AP5Z1: variants seen among roughly 807,000 people sequenced by gnomAD.
AP5Z1 encodes the protein adaptor related protein complex 5 subunit zeta 1, also known as AP-5 complex subunit zeta-1.
A neutral mutation model predicts 83.0 loss-of-function variants in AP5Z1; 106 were observed. That is an observed-to-expected ratio of 1.28 (90% CI 1.09 to 1.50). The LOEUF (loss-of-function observed/expected upper bound fraction) is 1.50, where lower values mean the gene tolerates loss of function less well. AP5Z1 is among the 40% of genes most tolerant of loss of function. AP5Z1 has a pLI of 0.00. For synonymous variants in AP5Z1, 751 were observed against 514.1 expected (o/e 1.46, Z -6.23); for missense variants, 1,565 against 1,094.2 (o/e 1.43, Z -6.07).
rs762453142 is a variant in AP5Z1 at position 4,787,782 on chromosome 7, C to T, written c.1454+6C>T. On this transcript the variant is annotated splice_donor_region_variant and intron_variant, in intron 11 of 16. Transcript: ENST00000649063. ...GTGCTGGACCTGCAGCTCAGGTGGGCCCCTCACCCTCTGCCAGCGCTGCGT... is the reference window on the plus strand; with the variant it reads ...GTGCTGGACCTGCAGCTCAGGTGGGTCCCTCACCCTCTGCCAGCGCTGCGT... 4.0e-5 allele frequency: 61 copies of T among 1,526,350 alleles called. No homozygotes were observed. The East Asian group carries it at 1.2e-3, about 31-fold the overall frequency. The allele number at this position is 1,526,350 out of a possible 1,614,324, so 94.6% of individuals were successfully genotyped here. A position where few individuals can be genotyped will look rare whatever the true frequency, so the allele number is the denominator to read the frequency against.
At chr7:4,790,626 G>A (rs774034279) in intron 15 of AP5Z1, 35 bp downstream of exon 15, 2 of 1,612,278 alleles carry the variant, frequency 1.2e-6, no homozygotes, top group Non-Finnish European at 1.7e-6. Context: ...AGCCGCTCCT[G>A]ACCCAGGAGG....
intron 1 of AP5Z1, among the ~76,000 whole-genome samples, chr7:4,777,827 G>C (rs1781267958): frequency 6.6e-6 from 1 of 152,184 alleles, no homozygotes; most frequent in South Asian, 2.1e-4. Flanking sequence ...GTTTCAAGAA[G>C]GTTAATCTAT....
rs902504616 is a variant in AP5Z1, at chr7:4,785,179, C to A, written c.931+131C>A. On this transcript the variant is annotated intron_variant, in intron 7 of 16. Transcript: ENST00000649063. ...GGGTCCCTGGGTAGCCGGTTTGGAG[C>A]AGGGGCATTTTTGCTTCTGGGGTCA... The A allele has an allele frequency of 3.5e-6, 5 of 1,423,788 alleles. No individual in the cohort carries two copies. In the African/African-American group the frequency reaches 5.8e-5, roughly 16 times the overall value. 88.2% of individuals were successfully genotyped at this position (1,423,788 alleles called of 1,614,324 possible).
chr7:4,788,006 G>C, intron 11 of AP5Z1, 148 bp from the exon 12 acceptor site: 2 of 1,318,196 alleles, frequency 1.5e-6, no homozygotes, highest in Non-Finnish European at 2.0e-6. Context: ...CCGTCTTCAC[G>C]CCCAGGCCTG....
chr7:4,775,712 C>A lies in AP5Z1; in HGVS notation c.-4C>A. 2.5e-6 allele frequency: 4 copies of A among 1,607,002 alleles called. No homozygotes were observed. The highest frequency in any genetic ancestry group is 3.4e-6 in the Non-Finnish European group (4 of 1,179,720). ...GTTCGTGCGCGTCTGGTGGCGGCGG[C>A]GTGATGTTCTCGGCAGGAGCGGAGA... On this transcript the variant is annotated 5_prime_UTR_variant, in exon 1 of 17. Transcript: ENST00000649063.
chr7:4,781,787 G>T (rs770673214), intron 3 of AP5Z1, 33 bp downstream of exon 3: 4 of 1,504,442 alleles, frequency 2.7e-6, no homozygotes, highest in East Asian at 2.3e-5. Flanking sequence ...AGTTGGCACC[G>T]GATGGCTGCT....
chr7:4,780,463 G>A (rs1483909829), intron 1 of AP5Z1, among the ~76,000 whole-genome samples: 3 of 147,264 alleles, frequency 2.0e-5, no homozygotes, highest in Admixed American at 6.7e-5. Context: ...TACTAAAAAT[G>A]CAAAAATTAG....
Position 4,783,713 on chromosome 7 carries a change from G to A in AP5Z1, c.536G>A (p.Arg179Gln), listed in dbSNP as rs569233326. 171 of 1,550,538 alleles carry A rather than the reference G, an allele frequency of 1.1e-4. No homozygotes were observed. The highest frequency in any genetic ancestry group is 1.9e-4 in the South Asian group (16 of 84,068). ...GACCAGGCCACCCTGCTCAGCAAGC[G>A]GCTGGTCGACTGGCTGCGCTACGCC... ...QEDQATLLSKRLVDWLRYASL... is the reference protein window; with the variant it reads ...QEDQATLLSKQLVDWLRYASL... Residue 179 changes from arginine to glutamine, a missense_variant, in exon 5 of 17, where the codon CGG becomes CAG. Physicochemically the swap from Arg to Gln is conservative, Grantham distance 43. Transcript: ENST00000649063.
chr7:4,777,805 C>T (rs1340440861), intron 1 of AP5Z1, among the ~76,000 whole-genome samples: 1 of 152,146 alleles, frequency 6.6e-6, no homozygotes, highest in Non-Finnish European at 1.5e-5. Flanking sequence ...TCTGCAGTTG[C>T]CCTCTGTTAG....
chr7:4,788,284 G>C lies in AP5Z1; in HGVS notation c.1585G>C (p.Ala529Pro). 6.3e-7 allele frequency: 1 copy of C among 1,590,534 alleles called. No individual in the cohort carries two copies. Among genetic ancestry groups the C allele is most frequent in the Non-Finnish European group, 8.5e-7 (1 of 1,169,982 alleles). ...QYLLRPKASG[A>P]TERLAPLHQL... ...CCTGCTGCGCCCCAAGGCCAGTGGCGCCACTGAGAGGTACGGGGCCCTAGG... is the reference window on the plus strand; with the variant it reads ...CCTGCTGCGCCCCAAGGCCAGTGGCCCCACTGAGAGGTACGGGGCCCTAGG... Residue 529 changes from alanine (A) to proline (P), a missense_variant, in exon 12 of 17, where the codon GCC becomes CCC. Physicochemically the swap from Ala to Pro is conservative, Grantham distance 27. Coordinates refer to ENST00000649063, the MANE Select transcript of AP5Z1 (RefSeq NM_014855.3).
chr7:4,789,886 G>T lies in AP5Z1; in HGVS notation c.1762G>T (p.Asp588Tyr). ...QLALLLLGRS[D>Y]SLYPAPGYAA... is the part of the protein sequence containing the mutation. ...GGCGCTGCTGCTCCTGGGCAGGAGC[G>T]ACTCGCTCTACCCGGCCCCAGGGTA... Residue 588 changes from aspartate (D) to tyrosine (Y), a missense_variant, in exon 14 of 17, where the codon GAC becomes TAC. Coordinates refer to ENST00000649063, the MANE Select transcript of AP5Z1 (RefSeq NM_014855.3). The T allele has an allele frequency of 6.4e-7, 1 of 1,552,180 alleles. No homozygotes were observed. The highest frequency in any genetic ancestry group is 8.7e-7 in the Non-Finnish European group (1 of 1,148,130).
chr7:4,783,838 C>A (rs1300863787), intron 5 of AP5Z1, 40 bp downstream of exon 5: 2 of 1,523,030 alleles, frequency 1.3e-6, no homozygotes, highest in Admixed American at 3.9e-5. Flanking sequence ...GGAACAGAGT[C>A]ACAGACAACC....
intron 14 of AP5Z1, 63 bp downstream of exon 14, chr7:4,789,992 T>TCCCCCCCC: frequency 3.9e-6 from 2 of 516,474 alleles, no homozygotes; most frequent in South Asian, 4.0e-5. Flanking sequence ...CCTCCCCCTC[T>TCCCCCCCC]CCCCTCCCCC....
chr7:4,792,210 G>T lies in AP5Z1; in HGVS notation c.*825G>T, dbSNP rs757865082. 6.6e-6 allele frequency: 1 copy of T among 152,222 alleles called. No homozygotes were observed. Among genetic ancestry groups the T allele is most frequent in the Non-Finnish European group, 1.5e-5 (1 of 68,088 alleles). 9.4% of individuals were successfully genotyped at this position (152,222 alleles called of 1,614,324 possible). On this transcript the variant is annotated 3_prime_UTR_variant, in exon 17 of 17. Coordinates refer to ENST00000649063, the MANE Select transcript of AP5Z1 (RefSeq NM_014855.3). ...CCCTCCGGACTACCAAGGCACAGCTGTGTCGCACGTTCCGCCCGGTGCCTG... is the reference window on the plus strand; with the variant it reads ...CCCTCCGGACTACCAAGGCACAGCTTTGTCGCACGTTCCGCCCGGTGCCTG...
intron 9 of AP5Z1, 49 bp from the exon 10 acceptor site, chr7:4,786,201 G>A (rs771231691): frequency 3.4e-5 from 52 of 1,522,090 alleles, no homozygotes; most frequent in East Asian, 3.0e-4. Flanking sequence ...ACAGAAGCAC[G>A]GCCAGGGCGA....
At position 4,788,230 on chromosome 7, in the gene AP5Z1, G is replaced by T. The variant is rs1781620399; in HGVS notation, c.1531G>T (p.Asp511Tyr). The change falls in exon 12 of 17, where the codon GAC becomes TAC. Residue 511 changes from aspartate (D) to tyrosine (Y), a missense_variant. Coordinates refer to ENST00000649063, the MANE Select transcript of AP5Z1 (RefSeq NM_014855.3). Reference sequence around the variant, plus strand: ...CCCCAGCTGCCTGGAGGCCTTCCGGGACCCGCAGTTCCAGGGTCTTTTCCA... The same window carrying T: ...CCCCAGCTGCCTGGAGGCCTTCCGGTACCCGCAGTTCCAGGGTCTTTTCCA... ...RAPSCLEAFR[D>Y]PQFQGLFQYL... The T allele has an allele frequency of 1.9e-6, 3 of 1,576,002 alleles. No individual in the cohort carries two copies. Among genetic ancestry groups the T allele is most frequent in the Non-Finnish European group, 2.6e-6 (3 of 1,162,096 alleles).
chr7:4,791,105 C>T lies in AP5Z1; in HGVS notation c.2154-10C>T, dbSNP rs569468377. On this transcript the variant is annotated splice_polypyrimidine_tract_variant and intron_variant, in intron 16 of 16. Transcript: ENST00000649063. ...CATCTGCAGCTGACGGAGGGACCTT[C>T]TTTCCCCAGGGCCTCTTTATTGCTG... is the stretch of plus-strand genomic sequence containing the variant. The T allele has an allele frequency of 1.9e-6, 3 of 1,572,016 alleles. No homozygotes were observed. The highest frequency in any genetic ancestry group is 1.8e-5 in the Admixed American group (1 of 56,432).
intron 1 of AP5Z1, among the ~76,000 whole-genome samples, chr7:4,778,051 C>G (rs764417675): frequency 1.3e-5 from 2 of 152,190 alleles, no homozygotes; most frequent in Admixed American, 1.3e-4. Context: ...AGACCCGTCT[C>G]TACAAAACAG....
Position 4,790,657 on chromosome 7 carries a change from C to G in AP5Z1, c.1939-16C>G. ...GGAGGCCTGGGTGGGGGCTGAATCT[C>G]TGTCCCCGGGCCTAGGTGTGGGCCA... On this transcript the variant is annotated splice_polypyrimidine_tract_variant and intron_variant, in intron 15 of 16. Coordinates refer to ENST00000649063, the MANE Select transcript of AP5Z1 (RefSeq NM_014855.3). 1 of 1,612,136 alleles carries G rather than the reference C, an allele frequency of 6.2e-7. No homozygotes were observed. Among genetic ancestry groups the G allele is most frequent in the South Asian group, 1.1e-5 (1 of 91,060 alleles).
Sources: allele counts gnomAD v4.1 joint callset (sites outside exome capture counted in the v4.1 genomes callset), GRCh38; gene constraint gnomAD v4.1.1; transcripts MANE v1.5; gene names NCBI Gene and HGNC (gene_info 2026-07-23, HGNC 2026-07-21).